The following ST7 variants were observed in gnomAD, a reference collection of about 807,000 sequenced individuals.
ST7 encodes the protein suppression of tumorigenicity 7.
ST7 carries 28 observed loss-of-function variants against 78.7 expected under a neutral mutation model. The ratio of observed to expected loss-of-function variants is 0.36; its 90% confidence interval spans 0.26 to 0.49. ST7 has a LOEUF of 0.49. Among genes scored for constraint, ST7 ranks in the 20% least tolerant of loss-of-function variants. ST7 has a pLI of 0.99. For missense variants in ST7, 418 were observed against 696.0 expected, an observed-to-expected ratio of 0.60 and a Z score of 4.49; for synonymous variants, 247 against 249.6, an observed-to-expected ratio of 0.99 and a Z score of 0.10.
chr7:116,963,462 T>A (rs1482405964), intron 1 of ST7, among the ~76,000 whole-genome samples: 3 of 152,182 alleles, frequency 2.0e-5, no homozygotes, highest in Non-Finnish European at 4.4e-5. Flanking sequence ...TGTAGCAGTA[T>A]TTTATGTTGC....
chr7:117,108,414 T>C (rs1802151666), intron 2 of ST7, among the ~76,000 whole-genome samples: 1 of 152,224 alleles, frequency 6.6e-6, no homozygotes, highest in Non-Finnish European at 1.5e-5. Flanking sequence ...TATTTGGCTT[T>C]ATTTCTGGGT....
intron 1 of ST7, among the ~76,000 whole-genome samples, chr7:117,011,856 G>A (rs915919051): frequency 1.3e-5 from 2 of 152,206 alleles, no homozygotes; most frequent in Non-Finnish European, 2.9e-5. Flanking sequence ...TGCTGAGAGT[G>A]AGATGGAGAT....
At chr7:116,967,240 C>T in intron 1 of ST7, 2 of 468,866 alleles carry the variant, frequency 4.3e-6, no homozygotes, top group South Asian at 1.6e-5. Context: ...TAATTCTGAG[C>T]CTGTTCTGGA....
At chr7:117,140,450 TAAATA>T (rs1463191036) in intron 9 of ST7, among the ~76,000 whole-genome samples, 8 of 152,176 alleles carry the variant, frequency 5.3e-5, no homozygotes, top group African/African-American at 1.9e-4. Context: ...CTGGGAGAAT[TAAATA>T]AGATAATGTG....
chr7:116,966,216 G>A (rs919892630), intron 1 of ST7: 11 of 244,642 alleles, frequency 4.5e-5, no homozygotes, highest in African/African-American at 9.8e-5. Context: ...AATTATTTCC[G>A]TAATATATGT....
At chr7:117,069,309 GA>G (rs1408052324) in intron 1 of ST7, among the ~76,000 whole-genome samples, 1 of 152,122 alleles carries the variant, frequency 6.6e-6, no homozygotes, top group Non-Finnish European at 1.5e-5. Context: ...AACACAGGGG[GA>G]AATCATTTTT....
intron 9 of ST7, among the ~76,000 whole-genome samples, chr7:117,169,316 A>G (rs573506368): frequency 6.6e-6 from 1 of 151,874 alleles, no homozygotes; most frequent in East Asian, 1.9e-4. Context: ...TTGTATTTTT[A>G]GTAGAGATGG....
chr7:117,073,565 T>C (rs1188930860), intron 1 of ST7, among the ~76,000 whole-genome samples: 1 of 152,128 alleles, frequency 6.6e-6, no homozygotes, highest in Non-Finnish European at 1.5e-5. Flanking sequence ...GCAGTGTGAG[T>C]GGTTAGGGCC....
chr7:117,056,966 G>A (rs1338825567), intron 1 of ST7, among the ~76,000 whole-genome samples: 1 of 152,106 alleles, frequency 6.6e-6, no homozygotes, highest in Non-Finnish European at 1.5e-5. Context: ...GGATTCTCTT[G>A]GTGTATTGAA....
In ST7 at chr7:116,988,006, C is replaced by T. The variant is rs901060846; in HGVS notation, c.151+34315C>T. 6.6e-5 allele frequency among the ~76,000 whole-genome samples: 10 copies of T among 152,324 alleles called. 1 individual carries two copies. The highest frequency in any genetic ancestry group is 3.9e-4 in the Admixed American group (6 of 15,300). On this transcript the variant is annotated intron_variant, in intron 1 of 15. Coordinates refer to ENST00000323984, the MANE Select transcript of ST7 (RefSeq NM_001369598.1). ...CCTTCCAAAGTGCTGGGATTACAGGCGTGAGCCACTGCACCCAGCCCACCT... is the reference window on the plus strand; with the variant it reads ...CCTTCCAAAGTGCTGGGATTACAGGTGTGAGCCACTGCACCCAGCCCACCT...
At chr7:117,099,981 G>T in intron 2 of ST7, 137 bp downstream of exon 2, 1 of 544,364 alleles carries the variant, frequency 1.8e-6, no homozygotes, top group Middle Eastern at 4.9e-4. Context: ...ATATGTTGGG[G>T]AGTGGACTCA....
intron 1 of ST7, among the ~76,000 whole-genome samples, chr7:116,963,632 CTTTTTTT>C (rs1026576295): frequency 3.7e-5 from 5 of 135,832 alleles, no homozygotes; most frequent in African/African-American, 8.1e-5. Flanking sequence ...TCTTTTTTTT[CTTTTTTT>C]TTTTTTTTTG....
rs542820045 is a variant in ST7 at position 117,062,999 on chromosome 7, C to T, written c.152-36763C>T. On this transcript the variant is annotated intron_variant, in intron 1 of 15. Coordinates refer to ENST00000323984, the MANE Select transcript of ST7 (RefSeq NM_001369598.1). ...TAGAAGAAAAGAATGTTAAGAAATC[C>T]CTTGGTTTTGACCTTTGCAGATGCT... Among the ~76,000 whole-genome samples, 105 of 152,194 alleles carry T rather than the reference C, an allele frequency of 6.9e-4. 2 individuals are homozygous for T. In the South Asian group the frequency reaches 0.016, roughly 24 times the overall value.
intron 2 of ST7, among the ~76,000 whole-genome samples, chr7:117,105,992 GTTTTTGTTTTTT>G (rs1392378684): frequency 6.9e-6 from 1 of 144,824 alleles, no homozygotes; most frequent in Non-Finnish European, 1.5e-5. Flanking sequence ...TTTTGTTTTT[GTTTTTGTTTTTT>G]TTTTTGAGAC....
At chr7:117,131,820 C>A (rs1394505919) in intron 5 of ST7, 65 bp from the exon 6 acceptor site, 1 of 1,400,760 alleles carries the variant, frequency 7.1e-7, no homozygotes, top group Non-Finnish European at 1.0e-6. Context: ...TAGCTCTTGT[C>A]CTCTACTGAG....
intron 1 of ST7, among the ~76,000 whole-genome samples, chr7:116,957,354 G>A (rs1792560156): frequency 6.6e-6 from 1 of 152,012 alleles, no homozygotes; most frequent in African/African-American, 2.4e-5. Flanking sequence ...GGCTAGCTTT[G>A]ATAATAGTTT....
chr7:117,020,819 G>A (rs1029134474), intron 1 of ST7, among the ~76,000 whole-genome samples: 2 of 152,310 alleles, frequency 1.3e-5, no homozygotes, highest in South Asian at 4.1e-4. Context: ...GGCCAGGGAT[G>A]TCAATGTGTC....
intron 10 of ST7, among the ~76,000 whole-genome samples, chr7:117,174,525 T>G (rs1385540197): frequency 2.0e-5 from 3 of 152,164 alleles, no homozygotes; most frequent in Non-Finnish European, 4.4e-5. Flanking sequence ...TGAGAACAAC[T>G]TCATTAAATA....
intron 7 of ST7, 80 bp downstream of exon 7, chr7:117,134,272 T>C (rs1804604607): frequency 6.3e-7 from 1 of 1,592,268 alleles, no homozygotes; most frequent in Admixed American, 1.7e-5. Context: ...GACACCCCCA[T>C]CACCACACTT....
Sources: allele counts gnomAD v4.1 joint callset (sites outside exome capture counted in the v4.1 genomes callset), GRCh38; gene constraint gnomAD v4.1.1; transcripts MANE v1.5; gene names NCBI Gene and HGNC (gene_info 2026-07-23, HGNC 2026-07-21).